Variants in MEGF6 observed in about 807,000 individuals in gnomAD.
The protein encoded by MEGF6 is multiple EGF like domains 6, also known as multiple epidermal growth factor-like domains protein 6.
A neutral mutation model predicts 207.1 loss-of-function variants in MEGF6; 184 were observed. That is an observed-to-expected ratio of 0.89 (90% CI 0.79 to 1.00). The LOEUF (loss-of-function observed/expected upper bound fraction) is 1.00. Ranked by LOEUF, MEGF6 falls within the 50% of genes least tolerant of loss-of-function variation. MEGF6 has a pLI of 0.00. For synonymous variants in MEGF6, 1,038 were observed against 910.0 expected (o/e 1.14, Z -2.53); for missense variants, 2,282 against 2,202.9 (o/e 1.04, Z -0.72).
intron 4 of MEGF6, among the ~76,000 whole-genome samples, chr1:3,575,627 G>A (rs951828150): frequency 1.5e-5 from 1 of 64,908 alleles, no homozygotes; most frequent in Non-Finnish European, 3.2e-5. Context: ...GGAGGAGCAA[G>A]TCACATCTTA....
At chr1:3,531,976 C>A (rs562922460) in intron 4 of MEGF6, among the ~76,000 whole-genome samples, 1 of 152,228 alleles carries the variant, frequency 6.6e-6, no homozygotes, top group Admixed American at 6.5e-5. Context: ...CCAGTGCCTG[C>A]ACTGTCCTGT....
chr1:3,611,447 C>T lies in MEGF6; in HGVS notation c.-179G>A. ...CTTCCCGCCCGCGCCCAAAGTGGCA[C>T]CGCGGAGACCTGATCGCCGGGTCCA... On this transcript the variant is annotated 5_prime_UTR_variant, in exon 1 of 37. In the 5' UTR this introduces an upstream ATG that the reference lacks. Coordinates refer to ENST00000356575, the MANE Select transcript of MEGF6 (RefSeq NM_001409.4). 1.2e-6 allele frequency: 1 copy of T among 817,744 alleles called. No homozygotes were observed. Among genetic ancestry groups the T allele is most frequent in the Non-Finnish European group, 1.7e-6 (1 of 585,566 alleles). The allele number at this position is 817,744 out of a possible 1,614,324, so 50.7% of individuals were successfully genotyped here.
chr1:3,591,609 C>T (rs890069274), intron 3 of MEGF6, among the ~76,000 whole-genome samples: 12 of 152,192 alleles, frequency 7.9e-5, no homozygotes, highest in South Asian at 6.2e-4. Context: ...GATGGGGGCG[C>T]GGGCGAGGGG....
chr1:3,499,064 T>C lies in MEGF6; in HGVS notation c.3094+74A>G. 4.5e-6 allele frequency: 7 copies of C among 1,557,306 alleles called. No individual in the cohort carries two copies. In the South Asian group the frequency reaches 8.2e-5, roughly 18 times the overall value. On this transcript the variant is annotated intron_variant, in intron 24 of 36. Transcript: ENST00000356575. ...TCCCTCCCCCAGGCACCAAGTGTCC[T>C]GTGGGCCCTGCAAGAGGCCAGCACC...
At chr1:3,492,938 G>A in intron 34 of MEGF6, 171 bp from the exon 35 acceptor site, 1 of 811,002 alleles carries the variant, frequency 1.2e-6, no homozygotes, top group Non-Finnish European at 1.9e-6. Context: ...GGAGTAAACA[G>A]TCCCTGCCCT....
chr1:3,532,883 C>T (rs147782239), intron 4 of MEGF6, among the ~76,000 whole-genome samples: 188 of 152,330 alleles, frequency 1.2e-3, no homozygotes, highest in African/African-American at 4.4e-3. Context: ...CCTCACCATT[C>T]CCTGCAGGGG....
chr1:3,610,767 C>A (rs1046422385), intron 1 of MEGF6, among the ~76,000 whole-genome samples: 2 of 152,242 alleles, frequency 1.3e-5, no homozygotes, highest in Non-Finnish European at 2.9e-5. Flanking sequence ...TGGAGGGAAG[C>A]GGGAACAGAC....
chr1:3,531,706 C>G (rs1386980653), intron 4 of MEGF6, among the ~76,000 whole-genome samples: 1 of 152,172 alleles, frequency 6.6e-6, no homozygotes, highest in East Asian at 1.9e-4. Flanking sequence ...TACACAGACA[C>G]GCACGGACAT....
rs1352616110 is a variant in MEGF6, at chr1:3,584,618, C to A, written c.377-4689G>T. Among the ~76,000 whole-genome samples the A allele has an allele frequency of 2.0e-5, 3 of 152,340 alleles. No individual in the cohort carries two copies. In the East Asian group the frequency reaches 5.8e-4, roughly 29 times the overall value. ...ACGTCTGTGCCTCATGGCCTGTGTT[C>A]CCCCACACCAGAGTCCCAGGGCAGG... On this transcript the variant is annotated intron_variant, in intron 3 of 36. Transcript: ENST00000356575.
chr1:3,531,422 C>T (rs927764293), intron 4 of MEGF6: 16 of 1,125,216 alleles, frequency 1.4e-5, no homozygotes, highest in East Asian at 4.9e-5. Context: ...GGGCCGGGCG[C>T]GCCCCGCCCC....
intron 4 of MEGF6, among the ~76,000 whole-genome samples, chr1:3,551,658 G>T (rs1203981367): frequency 6.6e-6 from 1 of 152,112 alleles, no homozygotes; most frequent in African/African-American, 2.4e-5. Context: ...GGGGACAGGA[G>T]ACAGCACCCC....
At chr1:3,496,148 A>T in intron 29 of MEGF6, 130 bp from the exon 30 acceptor site, 1 of 1,331,344 alleles carries the variant, frequency 7.5e-7, no homozygotes, top group Non-Finnish European at 9.9e-7. Flanking sequence ...GGGTGGGGCC[A>T]GCCAACTCTC....
chr1:3,622,888 A>C, the MEGF6 span, among the ~76,000 whole-genome samples: 1 of 152,322 alleles, frequency 6.6e-6, no homozygotes, highest in East Asian at 1.9e-4. Flanking sequence ...ATTGTCTAAA[A>C]TACAGTCCCT....
chr1:3,497,262 G>A lies in MEGF6; in HGVS notation c.3452C>T (p.Pro1151Leu), dbSNP rs1439803624. 3.2e-6 allele frequency: 5 copies of A among 1,544,974 alleles called. No homozygotes were observed. Among genetic ancestry groups the A allele is most frequent in the Non-Finnish European group, 2.6e-6 (3 of 1,148,116 alleles). Residue 1151 changes from proline (P) to leucine (L), a missense_variant, in exon 27 of 37, where the codon CCT becomes CTT. Transcript: ENST00000356575. ...CTCGCAGCCGGAGCCAGTGAAGCCA[G>A]GGGGACAGCGGCAGGCCCCAGTGAC... ...HHVTGACRCP[P>L]GFTGSGCEQA...
At position 3,500,684 on chromosome 1, in the gene MEGF6, T is replaced by TCACACA. The variant is rs1640819878; in HGVS notation, c.2655_2656insTGTGTG (p.Ile885_Ser886insCysVal). On this transcript the variant is annotated inframe_insertion, in exon 21 of 37. Transcript: ENST00000356575. ...CCAGCCTCACACAGACACAGGCCGC[T>TCACACA]GATGGCATCACAGCTCCCGTGGCCA... 6.3e-7 allele frequency: 1 copy of TCACACA among 1,578,468 alleles called. No individual in the cohort carries two copies. Among genetic ancestry groups the TCACACA allele is most frequent in the Admixed American group, 1.8e-5 (1 of 55,146 alleles).
rs557590357 is a variant in MEGF6, at chr1:3,609,200, C to T, written c.131+1938G>A. On this transcript the variant is annotated intron_variant, in intron 1 of 36. Transcript: ENST00000356575. ...CTCTGGGGTAAGGGAGCCAACAGCG[C>T]CCTTGCCCCACCCCCGTACCAGAGC... Among the ~76,000 whole-genome samples, 13 of 152,296 alleles carry T rather than the reference C, an allele frequency of 8.5e-5. No homozygotes were observed. The East Asian group carries it at 2.1e-3, about 25-fold the overall frequency.
At chr1:3,578,287 G>A (rs1015147542) in intron 4 of MEGF6, among the ~76,000 whole-genome samples, 2 of 152,230 alleles carry the variant, frequency 1.3e-5, no homozygotes, top group African/African-American at 2.4e-5. Context: ...GTCAAGCGGC[G>A]CACATTGCCA....
At chr1:3,595,543 G>A (rs768342735) in intron 2 of MEGF6, 96 bp from the exon 3 acceptor site, 73 of 1,094,446 alleles carry the variant, frequency 6.7e-5, no homozygotes, top group Middle Eastern at 4.0e-4. Flanking sequence ...TGCGTCAGCC[G>A]GGTTCCCGGC....
At chr1:3,497,562 C>T in intron 26 of MEGF6, 1 of 743,922 alleles carries the variant, frequency 1.3e-6, no homozygotes. Flanking sequence ...TGGCAGGGGC[C>T]TCCCCACCGG....
Sources: gnomAD v4.1 joint callset for allele counts (sites outside exome capture counted in the v4.1 genomes callset) on GRCh38, gnomAD v4.1.1 for gene constraint, MANE v1.5 for transcripts, NCBI Gene and HGNC (gene_info 2026-07-23, HGNC 2026-07-21) for gene names.